Variants in DAB1 observed in about 807,000 individuals in gnomAD.
DAB1 encodes DAB adaptor protein 1, also known as disabled homolog 1.
Under a neutral mutation model 64.6 loss-of-function variants are expected in DAB1, and 15 were observed. That is an observed-to-expected ratio of 0.23 (90% CI 0.16 to 0.36). DAB1 has a LOEUF of 0.36. Ranked by LOEUF, DAB1 falls within the 10% of genes least tolerant of loss-of-function variation. The pLI, the probability that DAB1 is intolerant of heterozygous loss-of-function variation, is 1.00. For synonymous variants in DAB1, 235 were observed against 251.9 expected, an observed-to-expected ratio of 0.93 and a Z score of 0.64; for missense variants, 596 against 706.7, an observed-to-expected ratio of 0.84 and a Z score of 1.78.
intron 2 of DAB1, among the ~76,000 whole-genome samples, chr1:58,526,393 GATCA>G (rs960668627): frequency 6.6e-6 from 1 of 151,912 alleles, no homozygotes; most frequent in African/African-American, 2.4e-5. Flanking sequence ...CATAACAAAG[GATCA>G]ATTAAAACTT....
chr1:57,099,893 C>T (rs489731), intron 4 of DAB1, among the ~76,000 whole-genome samples: 93,277 of 152,084 alleles, frequency 0.61, 29,169 homozygotes, highest in East Asian at 0.85. Flanking sequence ...GCCAGATGTG[C>T]AGACCTGTAC....
chr1:57,775,483 T>C (rs1649753778), intron 6 of DAB1, among the ~76,000 whole-genome samples: 1 of 151,706 alleles, frequency 6.6e-6, no homozygotes, highest in East Asian at 1.9e-4. Flanking sequence ...TAATGCACTT[T>C]AGTTTATTTT....
Position 58,518,281 on chromosome 1 carries a change from A to G in DAB1, n.107+8980T>C, listed in dbSNP as rs1446966290. The stretch of plus-strand genomic sequence containing the variant: ...GAGGGGAGAGGAGAGAGGAGAGGAG[A>G]AGAGAAGAGAAGAGAAGAGAAGAGA... On this transcript the variant is annotated intron_variant and non_coding_transcript_variant, in intron 2 of 20. Coordinates refer to the DAB1 transcript ENST00000485760. Among the ~76,000 whole-genome samples, 5 of 5,916 alleles carry G rather than the reference A, an allele frequency of 8.5e-4. 1 individual carries two copies. The highest frequency in any genetic ancestry group is 2.7e-3 in the African/African-American group (3 of 1,098). The allele number at this position is 5,916 out of a possible 152,430, so 3.9% of individuals were successfully genotyped here. A position where few individuals can be genotyped will look rare whatever the true frequency, so the allele number is the denominator to read the frequency against.
At chr1:57,529,432 T>C (rs911482997) in intron 7 of DAB1, among the ~76,000 whole-genome samples, 2 of 152,112 alleles carry the variant, frequency 1.3e-5, no homozygotes, top group Non-Finnish European at 2.9e-5. Context: ...AAAGCAAAGA[T>C]TGTCTGACTG....
At chr1:58,253,791 C>G (rs1660859761) in intron 4 of DAB1, among the ~76,000 whole-genome samples, 1 of 152,192 alleles carries the variant, frequency 6.6e-6, no homozygotes, top group Non-Finnish European at 1.5e-5. Flanking sequence ...CTTCTACGCT[C>G]TGTACCATAC....
chr1:57,025,543 T>C (rs755778613), intron 10 of DAB1, among the ~76,000 whole-genome samples: 9 of 152,240 alleles, frequency 5.9e-5, no homozygotes, highest in South Asian at 4.1e-4. Context: ...CTTCCTTTAC[T>C]GGGCTGACCA....
intron 6 of DAB1, among the ~76,000 whole-genome samples, chr1:57,788,521 G>A (rs751882040): frequency 1.3e-5 from 2 of 152,224 alleles, no homozygotes; most frequent in Non-Finnish European, 2.9e-5. Flanking sequence ...AGGAACTGGA[G>A]GTCAGGGAGA....
chr1:58,546,702 C>T (rs1329064683), intron 1 of DAB1: 2 of 152,278 alleles, frequency 1.3e-5, no homozygotes, highest in African/African-American at 4.8e-5. Flanking sequence ...TGAGGACTGA[C>T]TCAAGCAGAA....
chr1:57,482,255 G>A (rs1029560111), intron 7 of DAB1, among the ~76,000 whole-genome samples: 5 of 152,170 alleles, frequency 3.3e-5, no homozygotes, highest in Non-Finnish European at 7.4e-5. Flanking sequence ...TGGACCAAGT[G>A]TAAGACAGTA....
chr1:58,420,897 G>A (rs529174735), intron 3 of DAB1, among the ~76,000 whole-genome samples: 1 of 152,160 alleles, frequency 6.6e-6, no homozygotes, highest in South Asian at 2.1e-4. Context: ...AACAATAAAC[G>A]CAGCTCCCTG....
intron 3 of DAB1, among the ~76,000 whole-genome samples, chr1:58,448,219 T>G (rs1031192675): frequency 6.6e-6 from 1 of 152,130 alleles, no homozygotes; most frequent in Non-Finnish European, 1.5e-5. Flanking sequence ...GTTGGCAAAA[T>G]AAAGGAATTA....
intron 6 of DAB1, among the ~76,000 whole-genome samples, chr1:57,671,819 T>C (rs1205609481): frequency 1.3e-5 from 2 of 152,112 alleles, no homozygotes; most frequent in African/African-American, 2.4e-5. Flanking sequence ...GTATCAGTCC[T>C]CTCATGCTCT....
chr1:57,134,664 C>G (rs181178963), intron 4 of DAB1, among the ~76,000 whole-genome samples: 1 of 151,956 alleles, frequency 6.6e-6, no homozygotes, highest in African/African-American at 2.4e-5. Context: ...ACCCCTGAAC[C>G]TAAGTTTAAA....
chr1:58,375,350 A>G (rs201914892), intron 3 of DAB1, among the ~76,000 whole-genome samples: 5,465 of 129,540 alleles, frequency 0.042, 98 homozygotes, highest in East Asian at 0.098. Context: ...TTTGAAATAC[A>G]TCCCATCAAT....
intron 7 of DAB1, among the ~76,000 whole-genome samples, chr1:57,581,741 G>A (rs1645315253): frequency 6.7e-6 from 1 of 148,552 alleles, no homozygotes; most frequent in Non-Finnish European, 1.5e-5. Flanking sequence ...TATATTATAT[G>A]TGTTAGATTA....
upstream of DAB1, among the ~76,000 whole-genome samples, chr1:57,887,144 T>C (rs190215430): frequency 6.6e-6 from 1 of 152,322 alleles, no homozygotes; most frequent in East Asian, 1.9e-4. Flanking sequence ...CTCCAGTATA[T>C]GCAAAGCCTT....
chr1:58,147,045 G>A (rs962833781), intron 5 of DAB1, among the ~76,000 whole-genome samples: 5 of 152,156 alleles, frequency 3.3e-5, no homozygotes, highest in Non-Finnish European at 2.9e-5. Flanking sequence ...AGTGGCTCAC[G>A]CCTGTAATCC....
At chr1:57,835,113 T>G (rs1158667200) in intron 1 of DAB1, among the ~76,000 whole-genome samples, 1 of 151,978 alleles carries the variant, frequency 6.6e-6, no homozygotes, top group Non-Finnish European at 1.5e-5. Context: ...GGGTGTAGGG[T>G]GGGAATAATG....
At chr1:58,043,015 G>A (rs1355537496) in intron 5 of DAB1, among the ~76,000 whole-genome samples, 1 of 152,184 alleles carries the variant, frequency 6.6e-6, no homozygotes, top group Non-Finnish European at 1.5e-5. Context: ...CAGTAGGAAA[G>A]TTTATCCATC....
Sources: gnomAD v4.1 joint callset for allele counts (sites outside exome capture counted in the v4.1 genomes callset) on GRCh38, gnomAD v4.1.1 for gene constraint, MANE v1.5 for transcripts, NCBI Gene and HGNC (gene_info 2026-07-23, HGNC 2026-07-21) for gene names.